Variants in CLYBL observed in about 807,000 individuals in gnomAD.
CLYBL encodes citramalyl-CoA lyase, also known as citramalyl-CoA lyase, mitochondrial.
CLYBL carries 31 observed loss-of-function variants against 38.9 expected under a neutral mutation model. That is an observed-to-expected ratio of 0.80 (90% confidence interval 0.60 to 1.08). CLYBL has a LOEUF of 1.08. Ranked by LOEUF, CLYBL falls within the 50% of genes least tolerant of loss-of-function variation. CLYBL has a pLI of 0.00. For synonymous variants in CLYBL, 171 were observed against 158.6 expected (o/e 1.08, Z -0.59); for missense variants, 434 against 411.6 (o/e 1.05, Z -0.47).
At chr13:99,890,831 G>A (rs1402069149) in intron 7 of CLYBL, among the ~76,000 whole-genome samples, 1 of 152,092 alleles carries the variant, frequency 6.6e-6, no homozygotes, top group East Asian at 1.9e-4. Context: ...TTTGTACCCT[G>A]TACAATCCTA....
At chr13:99,647,828 A>G (rs569132624) in intron 1 of CLYBL, among the ~76,000 whole-genome samples, 7 of 152,356 alleles carry the variant, frequency 4.6e-5, no homozygotes, top group African/African-American at 1.7e-4. Flanking sequence ...TGGAAAAGCC[A>G]TAGATTTTGA....
chr13:99,724,535 G>GA (rs200553773), intron 1 of CLYBL, among the ~76,000 whole-genome samples: 125 of 140,082 alleles, frequency 8.9e-4, no homozygotes, highest in South Asian at 1.3e-3. Flanking sequence ...TGGAGAAGAT[G>GA]AAAAAAAAAA....
downstream of CLYBL, among the ~76,000 whole-genome samples, chr13:99,899,891 C>T (rs777157418): frequency 1.4e-4 from 21 of 152,034 alleles, no homozygotes; most frequent in Admixed American, 2.6e-4. Context: ...TGCATTTCTA[C>T]GCAGCGAACC....
intron 1 of CLYBL, among the ~76,000 whole-genome samples, chr13:99,625,139 G>T (rs985736275): frequency 6.6e-6 from 1 of 152,162 alleles, no homozygotes; most frequent in African/African-American, 2.4e-5. Context: ...CGGAGTCCCC[G>T]ACTTGGGAGT....
intron 1 of CLYBL, among the ~76,000 whole-genome samples, chr13:99,607,525 A>G (rs2046546343): frequency 1.3e-5 from 2 of 152,338 alleles, no homozygotes; most frequent in South Asian, 2.1e-4. Context: ...CCACACTTTG[A>G]GAACCGCTGG....
intron 2 of CLYBL, among the ~76,000 whole-genome samples, chr13:99,851,606 A>C (rs1421153795): frequency 2.0e-5 from 3 of 152,178 alleles, no homozygotes; most frequent in Non-Finnish European, 4.4e-5. Context: ...TCATGAGAGA[A>C]ACACAAATCA....
At chr13:99,762,637 G>C (rs2049187896) in intron 1 of CLYBL, among the ~76,000 whole-genome samples, 1 of 152,150 alleles carries the variant, frequency 6.6e-6, no homozygotes, top group Non-Finnish European at 1.5e-5. Flanking sequence ...GTTCAGGATT[G>C]CTTTGACTAT....
chr13:99,711,762 C>T (rs1566297705), intron 1 of CLYBL, among the ~76,000 whole-genome samples: 1 of 150,050 alleles, frequency 6.7e-6, no homozygotes, highest in South Asian at 2.1e-4. Flanking sequence ...TGTCACCAGG[C>T]TGGAGTCCAG....
At chr13:99,858,749 G>T (rs2051520801) in intron 2 of CLYBL, 112 bp from the exon 3 acceptor site, 3 of 694,600 alleles carry the variant, frequency 4.3e-6, no homozygotes, top group Non-Finnish European at 4.7e-6. Context: ...GAAATGTGTA[G>T]ATAGAATAAT....
chr13:99,756,733 A>G (rs1406256863), intron 1 of CLYBL, among the ~76,000 whole-genome samples: 3 of 152,156 alleles, frequency 2.0e-5, no homozygotes, highest in Admixed American at 2.0e-4. Flanking sequence ...AAAGCTTCCC[A>G]CATGATCATA....
chr13:99,717,282 T>C (rs944262123), intron 1 of CLYBL, among the ~76,000 whole-genome samples: 1 of 151,052 alleles, frequency 6.6e-6, no homozygotes, highest in Non-Finnish European at 1.5e-5. Flanking sequence ...AAAAATTAGC[T>C]GGGTGTGGTG....
At chr13:99,835,936 A>G (rs2050924816) in intron 2 of CLYBL, among the ~76,000 whole-genome samples, 1 of 152,232 alleles carries the variant, frequency 6.6e-6, no homozygotes. Context: ...CCCAGGGGCC[A>G]GGACTTGGAA....
At chr13:99,666,263 G>A (rs1374487468) in intron 1 of CLYBL, among the ~76,000 whole-genome samples, 2 of 152,178 alleles carry the variant, frequency 1.3e-5, no homozygotes, top group Non-Finnish European at 2.9e-5. Context: ...CACTGACATC[G>A]CTGAGACAGT....
chr13:99,700,997 T>C (rs943854046), intron 1 of CLYBL, among the ~76,000 whole-genome samples: 4 of 152,152 alleles, frequency 2.6e-5, no homozygotes, highest in Non-Finnish European at 5.9e-5. Flanking sequence ...TCAGAGGAAG[T>C]TGACGTTGGT....
chr13:99,621,484 C>G (rs976776424), intron 1 of CLYBL, among the ~76,000 whole-genome samples: 2 of 152,180 alleles, frequency 1.3e-5, no homozygotes, highest in Non-Finnish European at 2.9e-5. Context: ...TTAAGGTGAT[C>G]GAGATGCAGA....
At chr13:99,692,414 C>A (rs1374268860) in intron 1 of CLYBL, among the ~76,000 whole-genome samples, 1 of 152,094 alleles carries the variant, frequency 6.6e-6, no homozygotes, top group East Asian at 1.9e-4. Flanking sequence ...GCCTCAGCCT[C>A]CCTAGTAGCT....
At chr13:99,744,937 G>A (rs1460323815) in intron 1 of CLYBL, among the ~76,000 whole-genome samples, 1 of 152,198 alleles carries the variant, frequency 6.6e-6, no homozygotes, top group East Asian at 1.9e-4. Context: ...ACCATTTGGA[G>A]ATTGTCCATT....
At position 99,610,868 on chromosome 13, in the gene CLYBL, A is replaced by G. The variant is rs78850801; in HGVS notation, c.62+4111A>G. ...TGTTTACCCTGTTATCTTCCATCTC[A>G]AGTAGCTGTGATGGTAAATAAGTAC... On this transcript the variant is annotated intron_variant, in intron 1 of 8. Transcript: ENST00000339105. Among the ~76,000 whole-genome samples the G allele has an allele frequency of 5.8e-3, 888 of 152,268 alleles. 9 individuals carry two copies. Among genetic ancestry groups the G allele is most frequent in the Non-Finnish European group, 6.8e-3 (464 of 68,024 alleles).
chr13:99,846,087 T>C (rs2051197680), intron 2 of CLYBL, among the ~76,000 whole-genome samples: 2 of 151,966 alleles, frequency 1.3e-5, no homozygotes, highest in African/African-American at 4.8e-5. Flanking sequence ...TAGTGAACTC[T>C]GTTTGTGCCT....
Sources: allele counts gnomAD v4.1 joint callset (sites outside exome capture counted in the v4.1 genomes callset), GRCh38; gene constraint gnomAD v4.1.1; transcripts MANE v1.5; gene names NCBI Gene and HGNC (gene_info 2026-07-23, HGNC 2026-07-21).